VDAC1: variants seen among roughly 807,000 people sequenced by gnomAD.
VDAC1 encodes the protein voltage dependent anion channel 1.
VDAC1 carries 10 observed loss-of-function variants against 34.7 expected under a neutral mutation model. The ratio of observed to expected loss-of-function variants is 0.29; its 90% CI spans 0.18 to 0.49. The LOEUF (loss-of-function observed/expected upper bound fraction) is 0.49, where lower values mean the gene tolerates loss of function less well. Among genes scored for constraint, VDAC1 ranks in the 20% least tolerant of loss-of-function variants. VDAC1 has a pLI of 0.99. For synonymous variants in VDAC1, 130 were observed against 136.0 expected (o/e 0.96, Z 0.30); for missense variants, 230 against 347.9 (o/e 0.66, Z 2.69).
chr5:134,033,954 C>T, the VDAC1 span, among the ~76,000 whole-genome samples: 792 of 151,592 alleles, frequency 5.2e-3, 6 homozygotes, highest in African/African-American at 0.016. Flanking sequence ...ATCGCACCAC[C>T]GCACTCCAGC....
chr5:134,108,668 G>A, the VDAC1 span, among the ~76,000 whole-genome samples: 19 of 152,268 alleles, frequency 1.2e-4, no homozygotes, highest in African/African-American at 4.3e-4. Context: ...GACAGGGAGA[G>A]CCAGTGTCCT....
chr5:134,010,111 G>T, the VDAC1 span, among the ~76,000 whole-genome samples: 2 of 152,166 alleles, frequency 1.3e-5, no homozygotes, highest in African/African-American at 4.8e-5. Context: ...AAAGCAATTA[G>T]GCTATATGCG....
chr5:134,018,565 T>C, the VDAC1 span, among the ~76,000 whole-genome samples: 2 of 152,306 alleles, frequency 1.3e-5, no homozygotes, highest in African/African-American at 2.4e-5. Flanking sequence ...GACTGTTTAG[T>C]CTGCCTGTGG....
At chr5:134,100,836 G>T in the VDAC1 span, among the ~76,000 whole-genome samples, 3 of 152,248 alleles carry the variant, frequency 2.0e-5, no homozygotes, top group African/African-American at 7.2e-5. Context: ...TTCTCTCTGG[G>T]TTCTTGGGCT....
At chr5:134,002,957 C>A (rs879768806) in intron 1 of VDAC1, among the ~76,000 whole-genome samples, 171 of 120,996 alleles carry the variant, frequency 1.4e-3, no homozygotes, top group Non-Finnish European at 2.2e-3. Flanking sequence ...CAGAGCAAGA[C>A]CCTGTCTCAA....
chr5:134,065,789 A>T, the VDAC1 span, among the ~76,000 whole-genome samples: 2 of 99,846 alleles, frequency 2.0e-5, no homozygotes, highest in Non-Finnish European at 1.9e-5. Flanking sequence ...CAGATAGTAA[A>T]TTTTTTTTTT....
At chr5:134,071,541 A>G in the VDAC1 span, among the ~76,000 whole-genome samples, 1 of 152,200 alleles carries the variant, frequency 6.6e-6, no homozygotes, top group Admixed American at 6.5e-5. The surrounding 1 kb of genome is among the most constrained non-coding windows in gnomAD (Gnocchi z 4.1). Context: ...TGCGTGTGGT[A>G]AATGCAGATG....
the VDAC1 span, among the ~76,000 whole-genome samples, chr5:134,040,642 G>A: frequency 3.3e-5 from 5 of 152,134 alleles, no homozygotes; most frequent in Admixed American, 1.3e-4. Context: ...CAGGAGAATC[G>A]CTTGAATCAA....
chr5:134,079,636 ACCTACCATGTG>A, the VDAC1 span, among the ~76,000 whole-genome samples: 1 of 152,140 alleles, frequency 6.6e-6, no homozygotes, highest in Non-Finnish European at 1.5e-5. Context: ...TTAGTTGGAG[ACCTACCATGTG>A]CCCAGCCAGA....
chr5:134,043,600 A>G, the VDAC1 span, among the ~76,000 whole-genome samples: 1 of 151,766 alleles, frequency 6.6e-6, no homozygotes, highest in African/African-American at 2.4e-5. Context: ...TGGTGCAATC[A>G]CGGCTCACTG....
chr5:134,103,313 G>T, the VDAC1 span, among the ~76,000 whole-genome samples: 4 of 152,074 alleles, frequency 2.6e-5, no homozygotes, highest in Admixed American at 6.5e-5. Context: ...CTAGAGATGG[G>T]GTTTTGCCAT....
At chr5:133,982,922 T>C (rs1752756933) in intron 5 of VDAC1, among the ~76,000 whole-genome samples, 1 of 148,862 alleles carries the variant, frequency 6.7e-6, no homozygotes, top group Non-Finnish European at 1.5e-5. Context: ...GAAACAATCA[T>C]GTAAATTTGA....
intron 1 of VDAC1, among the ~76,000 whole-genome samples, chr5:133,995,541 T>C (rs533093234): frequency 1.3e-5 from 2 of 152,044 alleles, no homozygotes; most frequent in Non-Finnish European, 2.9e-5. Context: ...CTCCTGGGCC[T>C]GAAGTGACAC....
chr5:134,058,624 T>C, the VDAC1 span, among the ~76,000 whole-genome samples: 1 of 152,226 alleles, frequency 6.6e-6, no homozygotes, highest in Non-Finnish European at 1.5e-5. Context: ...CCAAGGACTC[T>C]GACTCTTAAG....
At chr5:134,047,933 CTCT>C in the VDAC1 span, among the ~76,000 whole-genome samples, 4 of 151,274 alleles carry the variant, frequency 2.6e-5, no homozygotes, top group African/African-American at 4.9e-5. Flanking sequence ...CATCATTTTT[CTCT>C]TTTTTTTTTT....
At chr5:133,990,372 T>C (rs570799071) in intron 5 of VDAC1, among the ~76,000 whole-genome samples, 64 of 152,334 alleles carry the variant, frequency 4.2e-4, no homozygotes, top group African/African-American at 1.4e-3. Flanking sequence ...CGTTTGGTCA[T>C]AGCCACTTAC....
At chr5:134,044,020 C>T in the VDAC1 span, among the ~76,000 whole-genome samples, 3 of 152,240 alleles carry the variant, frequency 2.0e-5, no homozygotes, top group African/African-American at 7.2e-5. Context: ...ATCAACCAGC[C>T]CAAGGTAACC....
the VDAC1 span, among the ~76,000 whole-genome samples, chr5:134,074,005 AG>A: frequency 6.6e-6 from 1 of 152,152 alleles, no homozygotes; most frequent in Non-Finnish European, 1.5e-5. Context: ...TGTCACTGAA[AG>A]TCAGCCTAAG....
the VDAC1 span, among the ~76,000 whole-genome samples, chr5:134,092,820 A>C: frequency 6.6e-6 from 1 of 152,196 alleles, no homozygotes; most frequent in African/African-American, 2.4e-5. Context: ...ATTGACACAC[A>C]GTTCAGTAAA....
Sources: gnomAD v4.1 joint callset for allele counts (sites outside exome capture counted in the v4.1 genomes callset) on GRCh38, gnomAD v4.1.1 for gene constraint, Gnocchi (gnomAD v3.1) non-coding constraint, MANE v1.5 for transcripts, NCBI Gene and HGNC (gene_info 2026-07-23, HGNC 2026-07-21) for gene names.